GID8: variants seen among roughly 807,000 people sequenced by gnomAD.
GID8 encodes the protein glucose-induced degradation protein 8 homolog.
Under a neutral mutation model 27.4 loss-of-function variants are expected in GID8, and 6 were observed. The observed-to-expected ratio is 0.22, with a 90% CI of 0.12 to 0.43. The LOEUF is 0.43. Ranked by LOEUF, GID8 falls within the 20% of genes least tolerant of loss-of-function variation. The pLI, the probability that GID8 is intolerant of heterozygous loss-of-function variation, is 1.00. For missense variants in GID8, 173 were observed against 287.6 expected (o/e 0.60, Z 2.88); for synonymous variants, 112 against 109.0 (o/e 1.03, Z -0.17).
At position 62,945,187 on chromosome 20, in the gene GID8, C is replaced by A. The variant is rs1414703567; in HGVS notation, c.*275C>A. 8.3e-7 allele frequency: 1 copy of A among 1,201,340 alleles called. No homozygotes were observed. The highest frequency in any genetic ancestry group is 1.0e-6 in the Non-Finnish European group (1 of 961,510). 74.4% of individuals were successfully genotyped at this position (1,201,340 alleles called of 1,614,324 possible). ...GGTTGCGGTTTGCTCTTCCAGTGTTCGGGGGCCTCTGGCTGCTGAAGGATT... is the reference window on the plus strand; with the variant it reads ...GGTTGCGGTTTGCTCTTCCAGTGTTAGGGGGCCTCTGGCTGCTGAAGGATT... On this transcript the variant is annotated 3_prime_UTR_variant, in exon 5 of 5. Transcript: ENST00000266069.
Position 62,940,236 on chromosome 20 carries a change from G to T in GID8, c.-12-1255G>T, listed in dbSNP as rs181607096. 1.6e-4 allele frequency among the ~76,000 whole-genome samples: 23 copies of T among 147,656 alleles called. No individual in the cohort carries two copies. The East Asian group carries it at 4.4e-3, about 28-fold the overall frequency. Reference sequence around the variant, plus strand: ...GTCTCGCTCTGTCGCCCAGGCTGGAGTGCAGTGGCACCATCTCGGCTCACT... The same window carrying T: ...GTCTCGCTCTGTCGCCCAGGCTGGATTGCAGTGGCACCATCTCGGCTCACT... On this transcript the variant is annotated intron_variant, in intron 1 of 4. Transcript: ENST00000266069.
rs1356040161 is a variant in GID8 at position 62,945,660 on chromosome 20, G to A, written c.*748G>A. ...ATGACCAAAATGGCCTCTAAAAGAT[G>A]TTAATCATCTCAAATGACCTTTTGT... is the stretch of plus-strand genomic sequence containing the variant. On this transcript the variant is annotated 3_prime_UTR_variant, in exon 5 of 5. Transcript: ENST00000266069. 8.5e-7 allele frequency: 1 copy of A among 1,179,678 alleles called. No individual in the cohort carries two copies. Among genetic ancestry groups the A allele is most frequent in the Non-Finnish European group, 1.1e-6 (1 of 935,688 alleles). The allele number at this position is 1,179,678 out of a possible 1,614,324, so 73.1% of individuals were successfully genotyped here.
intron 4 of GID8, 124 bp from the exon 5 acceptor site, chr20:62,944,615 A>G (rs763396156): frequency 4.0e-5 from 28 of 704,886 alleles, no homozygotes; most frequent in Middle Eastern, 2.7e-4. Flanking sequence ...AGGACTATGT[A>G]TTTCATGTCC....
chr20:62,944,932 G>T lies in GID8; in HGVS notation c.*20G>T. On this transcript the variant is annotated 3_prime_UTR_variant, in exon 5 of 5. Transcript: ENST00000266069. ...AAGTAGCGCCTGCGCTTGCGTGGTG[G>T]ATCCAACACCAGCCCTGCGTCGTGG... 6.2e-7 allele frequency: 1 copy of T among 1,600,364 alleles called. No individual in the cohort carries two copies. Among genetic ancestry groups the T allele is most frequent in the South Asian group, 1.1e-5 (1 of 89,444 alleles).
In GID8 at chr20:62,943,702, G is replaced by A. The variant is rs1568903407; in HGVS notation, c.513+10G>A. 2 of 1,606,160 alleles carry A rather than the reference G, an allele frequency of 1.2e-6. No individual in the cohort carries two copies. The highest frequency in any genetic ancestry group is 3.3e-5 in the Admixed American group (2 of 59,984). Reference sequence around the variant, plus strand: ...CATGCAGAGGCAGAAGGTGGGGCCTGCCAGAGGGAAGCTTTCTTCCATTCC... The same window carrying A: ...CATGCAGAGGCAGAAGGTGGGGCCTACCAGAGGGAAGCTTTCTTCCATTCC... On this transcript the variant is annotated intron_variant, in intron 4 of 4. Coordinates refer to ENST00000266069, the MANE Select transcript of GID8 (RefSeq NM_017896.3). The surrounding 1 kb of genome is among the most constrained non-coding windows in gnomAD (Gnocchi z 4.7).
Position 62,947,184 on chromosome 20 carries a change from C to T in GID8, c.*2272C>T, listed in dbSNP as rs2065470183. On this transcript the variant is annotated 3_prime_UTR_variant, in exon 5 of 5. Coordinates refer to ENST00000266069, the MANE Select transcript of GID8 (RefSeq NM_017896.3). ...TGCTCTCCTTCCCTTCATGATAAGCCAGTGCCAGCATCCAGCGTGAGCAGA... is the reference window on the plus strand; with the variant it reads ...TGCTCTCCTTCCCTTCATGATAAGCTAGTGCCAGCATCCAGCGTGAGCAGA... The T allele has an allele frequency of 6.6e-6, 1 of 152,200 alleles. No individual in the cohort carries two copies. Among genetic ancestry groups the T allele is most frequent in the African/African-American group, 2.4e-5 (1 of 41,428 alleles). The allele number at this position is 152,200 out of a possible 1,614,324, so 9.4% of individuals were successfully genotyped here.
chr20:62,939,366 C>T (rs1371357372), intron 1 of GID8, among the ~76,000 whole-genome samples: 1 of 152,158 alleles, frequency 6.6e-6, no homozygotes, highest in Non-Finnish European at 1.5e-5. Context: ...TATCTACGCT[C>T]TTCCTATGGT....
At chr20:62,941,342 A>G (rs1198159571) in intron 1 of GID8, 149 bp from the exon 2 acceptor site, 4 of 595,680 alleles carry the variant, frequency 6.7e-6, no homozygotes, top group Non-Finnish European at 1.2e-5. Flanking sequence ...AAGCATTGGC[A>G]TTCTCAGTCT....
chr20:62,947,764 G>A lies in GID8; in HGVS notation c.*2852G>A, dbSNP rs1601075811. 2 of 152,340 alleles carry A rather than the reference G, an allele frequency of 1.3e-5. No homozygotes were observed. Among genetic ancestry groups the A allele is most frequent in the African/African-American group, 2.4e-5 (1 of 41,568 alleles). The allele number at this position is 152,340 out of a possible 1,614,324, so 9.4% of individuals were successfully genotyped here. ...TGTGTGCGGAGTCCACGGAAGCCTC[G>A]GGGAGGTGGAGCTGCTCCTTCCATT... On this transcript the variant is annotated 3_prime_UTR_variant, in exon 5 of 5. Transcript: ENST00000266069.
In GID8 at chr20:62,944,994, T is replaced by TA. The variant is rs1568903963; in HGVS notation, c.*83dup. On this transcript the variant is annotated 3_prime_UTR_variant, in exon 5 of 5. Transcript: ENST00000266069. ...GATCAGCCTGCGACTGCAAGATTCTTACTGCAGTAGAGAACTCTTTTTCTC... is the reference window on the plus strand; with the variant it reads ...GATCAGCCTGCGACTGCAAGATTCTTAACTGCAGTAGAGAACTCTTTTTCTC... 2.0e-6 allele frequency: 3 copies of TA among 1,497,442 alleles called. No individual in the cohort carries two copies. Among genetic ancestry groups the TA allele is most frequent in the African/African-American group, 2.8e-5 (2 of 70,710 alleles). The allele number at this position is 1,497,442 out of a possible 1,614,324, so 92.8% of individuals were successfully genotyped here.
chr20:62,941,218 G>C (rs776263390), intron 1 of GID8, among the ~76,000 whole-genome samples: 1 of 152,240 alleles, frequency 6.6e-6, no homozygotes, highest in Non-Finnish European at 1.5e-5. Flanking sequence ...AGAATTGCTG[G>C]GTTGTGAGGA....
In GID8 at chr20:62,947,367, C is replaced by G. The variant is rs1434959839; in HGVS notation, c.*2455C>G. 1 of 152,324 alleles carries G rather than the reference C, an allele frequency of 6.6e-6. No individual in the cohort carries two copies. Among genetic ancestry groups the G allele is most frequent in the Non-Finnish European group, 1.5e-5 (1 of 68,044 alleles). The allele number at this position is 152,324 out of a possible 1,614,324, so 9.4% of individuals were successfully genotyped here. A position where few individuals can be genotyped will look rare whatever the true frequency, so the allele number is the denominator to read the frequency against. Reference sequence around the variant, plus strand: ...CTTTTTACAGTCTTTGTCTTTGCAGCAAGCAAATGAAATTAAGCCACTTTG... The same window carrying G: ...CTTTTTACAGTCTTTGTCTTTGCAGGAAGCAAATGAAATTAAGCCACTTTG... On this transcript the variant is annotated 3_prime_UTR_variant, in exon 5 of 5. Transcript: ENST00000266069.
At position 62,943,778 on chromosome 20, in the gene GID8, G is replaced by C. The variant is rs1799426413; in HGVS notation, c.513+86G>C. The C allele has an allele frequency of 2.9e-6, 3 of 1,030,690 alleles. No homozygotes were observed. The highest frequency in any genetic ancestry group is 3.9e-5 in the Admixed American group (2 of 50,812). 63.8% of individuals were successfully genotyped at this position (1,030,690 alleles called of 1,614,324 possible). On this transcript the variant is annotated intron_variant, in intron 4 of 4. Transcript: ENST00000266069. This position sits in a 1 kb window ranked among gnomAD's most constrained non-coding sequence, Gnocchi z 4.7. ...ACAACGCCAAGTGTGTGGCTTTGCT[G>C]TGTGGACTGAGAGACAGGTGGCTTC...
chr20:62,940,926 T>C (rs1201581306), intron 1 of GID8, among the ~76,000 whole-genome samples: 2 of 152,264 alleles, frequency 1.3e-5, no homozygotes, highest in Non-Finnish European at 2.9e-5. Context: ...TAACGTCTGA[T>C]GATGGGGAGT....
At position 62,947,013 on chromosome 20, in the gene GID8, T is replaced by C. The variant is rs2065469369; in HGVS notation, c.*2101T>C. On this transcript the variant is annotated 3_prime_UTR_variant, in exon 5 of 5. Transcript: ENST00000266069. ...ACAAACTAGGGGAACACAAATGGGG[T>C]CATTCACGTGCCTGGACTGTCACTA... The C allele has an allele frequency of 6.6e-6, 1 of 152,176 alleles. No individual in the cohort carries two copies. The highest frequency in any genetic ancestry group is 2.1e-4 in the South Asian group (1 of 4,830). 9.4% of individuals were successfully genotyped at this position (152,176 alleles called of 1,614,324 possible). A position where few individuals can be genotyped will look rare whatever the true frequency, so the allele number is the denominator to read the frequency against.
Position 62,938,238 on chromosome 20 carries a change from A to T in GID8, c.-28A>T, listed in dbSNP as rs1412974065. On this transcript the variant is annotated 5_prime_UTR_variant, in exon 1 of 5. Coordinates refer to ENST00000266069, the MANE Select transcript of GID8 (RefSeq NM_017896.3). Reference sequence around the variant, plus strand: ...AGCCGCCCAGACCGCGCAGCGCGGGAGGCAGGTTCCGCACGGTAAGATGGC... The same window carrying T: ...AGCCGCCCAGACCGCGCAGCGCGGGTGGCAGGTTCCGCACGGTAAGATGGC... The T allele has an allele frequency of 1.0e-4, 16 of 156,544 alleles. No homozygotes were observed. The highest frequency in any genetic ancestry group is 2.8e-5 in the Non-Finnish European group (2 of 71,358). The allele number at this position is 156,544 out of a possible 1,614,324, so 9.7% of individuals were successfully genotyped here.
In GID8 at chr20:62,945,977, G is replaced by T; in HGVS notation, c.*1065G>T. On this transcript the variant is annotated 3_prime_UTR_variant, in exon 5 of 5. Coordinates refer to ENST00000266069, the MANE Select transcript of GID8 (RefSeq NM_017896.3). The stretch of plus-strand genomic sequence containing the variant: ...CTCACAGAACTGTCCCCTGCTCCGT[G>T]GTGGGCAGGAGGGAAGTGGTGCAGG... The T allele has an allele frequency of 1.6e-6, 2 of 1,289,440 alleles. No homozygotes were observed. The highest frequency in any genetic ancestry group is 2.0e-6 in the Non-Finnish European group (2 of 988,842). The allele number at this position is 1,289,440 out of a possible 1,614,324, so 79.9% of individuals were successfully genotyped here.
Position 62,943,329 on chromosome 20 carries a change from T to C in GID8, c.315+146T>C, listed in dbSNP as rs540956965. 1.2e-3 allele frequency: 1,124 copies of C among 935,264 alleles called. 1 individual carries two copies. Among genetic ancestry groups the C allele is most frequent in the Non-Finnish European group, 1.5e-3 (949 of 616,602 alleles). The allele number at this position is 935,264 out of a possible 1,614,324, so 57.9% of individuals were successfully genotyped here. ...GGAGAGGTTTGAGTTTGCTCTTTTA[T>C]GTAGTTCAGAAGCGGTTTTTTGTTT... On this transcript the variant is annotated intron_variant, in intron 3 of 4. Coordinates refer to ENST00000266069, the MANE Select transcript of GID8 (RefSeq NM_017896.3). The surrounding 1 kb of genome is among the most constrained non-coding windows in gnomAD (Gnocchi z 4.7).
intron 1 of GID8, 41 bp from the exon 2 acceptor site, chr20:62,941,450 G>A: frequency 9.3e-7 from 1 of 1,078,326 alleles, no homozygotes; most frequent in Non-Finnish European, 1.4e-6. Flanking sequence ...CCTTGGAGGA[G>A]CATCTAAACC....
Sources: allele counts gnomAD v4.1 joint callset (sites outside exome capture counted in the v4.1 genomes callset), GRCh38; gene constraint gnomAD v4.1.1; non-coding constraint Gnocchi (gnomAD v3.1); transcripts MANE v1.5; gene names NCBI Gene and HGNC (gene_info 2026-07-23, HGNC 2026-07-21).